The following COL5A2 variants were observed in gnomAD, a reference collection of about 807,000 sequenced individuals.
The protein encoded by COL5A2 is collagen type V alpha 2 chain, also known as collagen alpha-2(V) chain.
Under a neutral mutation model 208.2 loss-of-function variants are expected in COL5A2, and 23 were observed. The ratio of observed to expected loss-of-function variants is 0.11; its 90% confidence interval spans 0.08 to 0.16. The LOEUF is 0.16. COL5A2 is among the 10% of genes least tolerant of loss of function. The probability of loss-of-function intolerance (pLI) is 1.00; values close to 1 mark genes in which losing one functional copy is unlikely to be tolerated. For missense variants in COL5A2, 1,590 were observed against 1,956.4 expected (o/e 0.81, Z 3.53); for synonymous variants, 625 against 628.5 (o/e 0.99, Z 0.08).
the COL5A2 span, among the ~76,000 whole-genome samples, chr2:189,338,540 C>A: frequency 6.6e-6 from 1 of 152,040 alleles, no homozygotes; most frequent in South Asian, 2.1e-4. Context: ...GTTCTTTTCT[C>A]CCCAAGTCCC....
intron 1 of COL5A2, among the ~76,000 whole-genome samples, chr2:189,148,977 C>T (rs534919344): frequency 4.2e-4 from 64 of 152,100 alleles, no homozygotes; most frequent in African/African-American, 1.5e-3. Flanking sequence ...CCATCTCTAC[C>T]AAATATACAA....
intron 1 of COL5A2, among the ~76,000 whole-genome samples, chr2:189,127,995 G>GA (rs1249985403): frequency 6.6e-6 from 1 of 152,000 alleles, no homozygotes; most frequent in Non-Finnish European, 1.5e-5. Context: ...TTCAAGAACA[G>GA]AAATGGTAAG....
intron 1 of COL5A2, among the ~76,000 whole-genome samples, chr2:189,203,928 C>T (rs1405792431): frequency 6.6e-6 from 1 of 150,968 alleles, no homozygotes; most frequent in African/African-American, 2.4e-5. Context: ...GACGGAGTCT[C>T]GCTCTGTCGC....
chr2:189,089,904 G>A (rs888782574), intron 7 of COL5A2, among the ~76,000 whole-genome samples: 1 of 151,944 alleles, frequency 6.6e-6, no homozygotes, highest in Non-Finnish European at 1.5e-5. Context: ...CTCTCCATGG[G>A]CCTCCTTATT....
chr2:189,413,037 CATTAAGTA>C, the COL5A2 span, among the ~76,000 whole-genome samples: 3 of 152,116 alleles, frequency 2.0e-5, no homozygotes, highest in East Asian at 5.8e-4. Flanking sequence ...GTAGAGGTAA[CATTAAGTA>C]AAGGTCCAGA....
rs2153506528 is a variant in COL5A2, at chr2:189,039,484, C to T, written c.3713G>A (p.Gly1238Glu). ...ATCTGGCATGCTTTCATCATAGTGC[C>T]CCATGATATCCCCAAGAGCAGCTGT... The part of the protein sequence containing the change: ...HLTAALGDIM[G>E]HYDESMPDPL... The change falls in exon 51 of 54, where the codon GGG becomes GAG. Residue 1238 changes from glycine (G) to glutamate (E), a missense_variant. Physicochemically the swap from Gly to Glu is moderately conservative, Grantham distance 98 (BLOSUM62 -2). Coordinates refer to ENST00000374866, the MANE Select transcript of COL5A2 (RefSeq NM_000393.5). 6.2e-7 allele frequency: 1 copy of T among 1,614,020 alleles called. No individual in the cohort carries two copies. The highest frequency in any genetic ancestry group is 8.5e-7 in the Non-Finnish European group (1 of 1,180,014).
At chr2:189,197,854 G>GT (rs5837131) in intron 1 of COL5A2, among the ~76,000 whole-genome samples, 20,973 of 140,676 alleles carry the variant, frequency 0.15, 2,565 homozygotes, top group African/African-American at 0.33. Context: ...ATAGGCTCTT[G>GT]TTTTTTTTTT....
At chr2:189,071,616 T>C (rs1576507622) in intron 18 of COL5A2, among the ~76,000 whole-genome samples, 1 of 152,174 alleles carries the variant, frequency 6.6e-6, no homozygotes, top group South Asian at 2.1e-4. Context: ...GGTGAAAATG[T>C]TAGATGCCTT....
At chr2:189,044,178 T>G (rs1281283806) in intron 47 of COL5A2, among the ~76,000 whole-genome samples, 1 of 152,226 alleles carries the variant, frequency 6.6e-6, no homozygotes, top group Non-Finnish European at 1.5e-5. Flanking sequence ...CTTTGGAAGA[T>G]GACTGCAGTC....
chr2:189,343,194 T>A, the COL5A2 span, among the ~76,000 whole-genome samples: 1 of 152,130 alleles, frequency 6.6e-6, no homozygotes, highest in Non-Finnish European at 1.5e-5. Flanking sequence ...GTCATTTTAT[T>A]TTAGGACAAA....
intron 1 of COL5A2, among the ~76,000 whole-genome samples, chr2:189,158,009 C>A (rs1688288280): frequency 6.6e-6 from 1 of 151,916 alleles, no homozygotes; most frequent in Non-Finnish European, 1.5e-5. Context: ...ACTGTGGTAT[C>A]CCTACAGCCT....
chr2:189,211,390 T>C (rs892292686), intron 1 of COL5A2, among the ~76,000 whole-genome samples: 1 of 152,166 alleles, frequency 6.6e-6, no homozygotes, highest in Non-Finnish European at 1.5e-5. Flanking sequence ...CTTAAAAACT[T>C]TTCTCACCTT....
the COL5A2 span, among the ~76,000 whole-genome samples, chr2:189,284,718 A>G: frequency 6.6e-6 from 1 of 152,178 alleles, no homozygotes; most frequent in Non-Finnish European, 1.5e-5. Context: ...AACAACAAGG[A>G]TATTTTCTTA....
chr2:189,163,505 T>C (rs780016196), intron 1 of COL5A2, among the ~76,000 whole-genome samples: 8 of 152,250 alleles, frequency 5.3e-5, no homozygotes, highest in Non-Finnish European at 1.2e-4. Flanking sequence ...AGGAACTTTA[T>C]TGTAGAGTCA....
At position 189,057,442 on chromosome 2, in the gene COL5A2, C is replaced by A; in HGVS notation, c.2230-15G>T. On this transcript the variant is annotated splice_polypyrimidine_tract_variant and intron_variant, in intron 33 of 53. Coordinates refer to ENST00000374866, the MANE Select transcript of COL5A2 (RefSeq NM_000393.5). ...CCTGGACTGCCCTAAAATGAACCAA[C>A]ATTAAGTGACCATACCAATAATATT... 7 of 1,544,610 alleles carry A rather than the reference C, an allele frequency of 4.5e-6. No individual in the cohort carries two copies. The highest frequency in any genetic ancestry group is 5.4e-6 in the Non-Finnish European group (6 of 1,116,790).
chr2:189,108,969 G>T (rs202182486), intron 2 of COL5A2, among the ~76,000 whole-genome samples: 1 of 139,684 alleles, frequency 7.2e-6, no homozygotes, highest in African/African-American at 2.6e-5. Flanking sequence ...ACTTTATTAA[G>T]TTTTTTTTTT....
chr2:189,141,981 T>C (rs972092369), intron 1 of COL5A2, among the ~76,000 whole-genome samples: 23 of 152,170 alleles, frequency 1.5e-4, no homozygotes, highest in African/African-American at 5.3e-4. Flanking sequence ...AATTCTTTTC[T>C]GGAATTTCCT....
intron 1 of COL5A2, among the ~76,000 whole-genome samples, chr2:189,196,121 C>T (rs1224785122): frequency 6.6e-6 from 1 of 152,040 alleles, no homozygotes; most frequent in Non-Finnish European, 1.5e-5. Flanking sequence ...AAAAAAACAA[C>T]CCCATCAAGA....
intron 33 of COL5A2, among the ~76,000 whole-genome samples, chr2:189,057,851 A>G (rs1388013297): frequency 6.6e-6 from 1 of 152,192 alleles, no homozygotes; most frequent in African/African-American, 2.4e-5. Context: ...GACTGCATCA[A>G]TCACTCTAAA....
Sources: gnomAD v4.1 joint callset for allele counts (sites outside exome capture counted in the v4.1 genomes callset) on GRCh38, gnomAD v4.1.1 for gene constraint, MANE v1.5 for transcripts, NCBI Gene and HGNC (gene_info 2026-07-23, HGNC 2026-07-21) for gene names.